The following CDH12 variants were observed in gnomAD, a reference collection of about 807,000 sequenced individuals.
CDH12 encodes cadherin 12.
Under a neutral mutation model 74.1 loss-of-function variants are expected in CDH12, and 41 were observed. The observed-to-expected ratio is 0.55, with a 90% CI of 0.43 to 0.72. The LOEUF is 0.72. Among genes scored for constraint, CDH12 ranks in the 30% least tolerant of loss-of-function variants. The pLI, the probability that CDH12 is intolerant of heterozygous loss-of-function variation, is 0.00. For missense variants in CDH12, 945 were observed against 977.2 expected (o/e 0.97, Z 0.44); for synonymous variants, 399 against 355.0 (o/e 1.12, Z -1.39).
At chr5:22,525,042 G>T (rs563490052) in intron 1 of CDH12, among the ~76,000 whole-genome samples, 1 of 145,482 alleles carries the variant, frequency 6.9e-6, no homozygotes, top group African/African-American at 2.6e-5. Flanking sequence ...TCCCACCTAC[G>T]AGTGAGAACA....
chr5:22,535,174 T>TG, intron 1 of CDH12, among the ~76,000 whole-genome samples: 1 of 143,314 alleles, frequency 7.0e-6, no homozygotes, highest in Admixed American at 7.1e-5. Flanking sequence ...TTTTTTTTTT[T>TG]GAGACGGGGT....
intron 1 of CDH12, among the ~76,000 whole-genome samples, chr5:22,677,696 T>C (rs1459569937): frequency 6.6e-6 from 1 of 152,150 alleles, no homozygotes; most frequent in Non-Finnish European, 1.5e-5. Flanking sequence ...AGATGGCCTA[T>C]GAAGCTGTTC....
intron 1 of CDH12, among the ~76,000 whole-genome samples, chr5:22,649,145 G>A (rs1466308956): frequency 6.6e-6 from 1 of 152,008 alleles, no homozygotes. Flanking sequence ...GGTCTTGGAT[G>A]TGAAGTCTCT....
intron 1 of CDH12, among the ~76,000 whole-genome samples, chr5:22,679,209 T>C (rs554672052): frequency 1.1e-4 from 16 of 152,276 alleles, no homozygotes; most frequent in African/African-American, 2.9e-4. Flanking sequence ...GGTATAATTT[T>C]AGGAAATTAG....
chr5:22,446,789 T>C (rs970458863), intron 2 of CDH12, among the ~76,000 whole-genome samples: 1 of 152,148 alleles, frequency 6.6e-6, no homozygotes, highest in Non-Finnish European at 1.5e-5. Context: ...CCATAATATA[T>C]TGATATTTCA....
intron 3 of CDH12, among the ~76,000 whole-genome samples, chr5:22,294,716 T>C (rs1737548109): frequency 6.6e-6 from 1 of 152,196 alleles, no homozygotes; most frequent in African/African-American, 2.4e-5. Flanking sequence ...TTTTATATAG[T>C]GAACAAAATG....
chr5:22,399,282 C>T (rs1742608059), intron 3 of CDH12, among the ~76,000 whole-genome samples: 1 of 151,718 alleles, frequency 6.6e-6, no homozygotes. Flanking sequence ...CAGTTTTACA[C>T]CTAAGAGATG....
At chr5:22,451,505 T>A (rs1745042175) in intron 2 of CDH12, among the ~76,000 whole-genome samples, 1 of 151,882 alleles carries the variant, frequency 6.6e-6, no homozygotes, top group Admixed American at 6.6e-5. Flanking sequence ...GAAAAAGCAT[T>A]TAGTAAACTT....
intron 4 of CDH12, among the ~76,000 whole-genome samples, chr5:22,117,449 ATATATATAT>A (rs1395001163): frequency 4.7e-4 from 42 of 89,284 alleles, no homozygotes; most frequent in South Asian, 4.1e-3. Context: ...TATATATATA[ATATATATAT>A]TATATATATA....
chr5:22,753,361 C>T (rs1044757551), intron 1 of CDH12, among the ~76,000 whole-genome samples: 1 of 150,226 alleles, frequency 6.7e-6, no homozygotes, highest in Non-Finnish European at 1.5e-5. Flanking sequence ...GGCGTGAACC[C>T]GGGAGGCAGA....
At chr5:21,858,106 G>C (rs956931185) in intron 6 of CDH12, among the ~76,000 whole-genome samples, 2 of 151,618 alleles carry the variant, frequency 1.3e-5, no homozygotes, top group African/African-American at 4.8e-5. Context: ...CCACCTGAAA[G>C]GGTCTATCTC....
chr5:22,475,673 T>G (rs1746137006), intron 2 of CDH12, among the ~76,000 whole-genome samples: 2 of 151,952 alleles, frequency 1.3e-5, no homozygotes, highest in Non-Finnish European at 2.9e-5. Context: ...CCTTTGAACT[T>G]TTTCATTCAG....
At chr5:22,049,088 A>T (rs1227677813) in intron 5 of CDH12, among the ~76,000 whole-genome samples, 1 of 152,164 alleles carries the variant, frequency 6.6e-6, no homozygotes, top group Non-Finnish European at 1.5e-5. Context: ...ATTACAGTGT[A>T]TAAATGCAAT....
chr5:22,031,260 G>A (rs561239933), intron 5 of CDH12, among the ~76,000 whole-genome samples: 1 of 152,136 alleles, frequency 6.6e-6, no homozygotes, highest in South Asian at 2.1e-4. Context: ...CTTGAACCCG[G>A]GAGGCAGAGG....
chr5:22,323,935 C>T (rs1738985863), intron 3 of CDH12, among the ~76,000 whole-genome samples: 1 of 152,004 alleles, frequency 6.6e-6, no homozygotes, highest in East Asian at 1.9e-4. Context: ...ATTGACTTGC[C>T]CAAAAGTCTT....
chr5:22,320,796 T>C (rs2150436835), intron 3 of CDH12, among the ~76,000 whole-genome samples: 1 of 152,346 alleles, frequency 6.6e-6, no homozygotes, highest in South Asian at 2.1e-4. Flanking sequence ...TAGTTTTTAC[T>C]TATAGTACTT....
intron 3 of CDH12, among the ~76,000 whole-genome samples, chr5:22,353,814 T>C (rs776460293): frequency 6.6e-6 from 1 of 152,178 alleles, no homozygotes; most frequent in Admixed American, 6.6e-5. Flanking sequence ...CCTCTCTTAG[T>C]GATGTGCGTT....
intron 2 of CDH12, among the ~76,000 whole-genome samples, chr5:22,481,706 TA>T (rs1746391751): frequency 6.6e-6 from 1 of 152,036 alleles, no homozygotes; most frequent in Non-Finnish European, 1.5e-5. Context: ...AAGGAAGACA[TA>T]AGGAGTCACT....
chr5:22,018,992 G>A (rs558215777), intron 5 of CDH12, among the ~76,000 whole-genome samples: 2 of 151,916 alleles, frequency 1.3e-5, no homozygotes, highest in African/African-American at 2.4e-5. Context: ...CCTGGGAGGC[G>A]GAGGTTGCAG....
Sources: gnomAD v4.1 joint callset for allele counts (sites outside exome capture counted in the v4.1 genomes callset) on GRCh38, gnomAD v4.1.1 for gene constraint, MANE v1.5 for transcripts, NCBI Gene and HGNC (gene_info 2026-07-23, HGNC 2026-07-21) for gene names.